Variants in TULP3 observed in about 807,000 individuals in gnomAD.
TULP3 encodes tubby-related protein 3.
Under a neutral mutation model 50.7 loss-of-function variants are expected in TULP3, and 38 were observed. The ratio of observed to expected loss-of-function variants is 0.75; its 90% CI spans 0.58 to 0.98. TULP3 has a LOEUF of 0.98. TULP3 is among the 50% of genes least tolerant of loss of function. The pLI is 0.00. For synonymous variants in TULP3, 183 were observed against 196.6 expected, an observed-to-expected ratio of 0.93 and a Z score of 0.58; for missense variants, 550 against 568.0, an observed-to-expected ratio of 0.97 and a Z score of 0.32.
intron 5 of TULP3, 86 bp downstream of exon 5, chr12:2,930,431 A>G: frequency 2.1e-6 from 2 of 943,474 alleles, no homozygotes; most frequent in South Asian, 1.9e-5. Context: ...TATTATTATT[A>G]TGTATTTTTT....
At chr12:2,920,484 G>A (rs1240543529) in intron 2 of TULP3, among the ~76,000 whole-genome samples, 1 of 151,768 alleles carries the variant, frequency 6.6e-6, no homozygotes, top group Non-Finnish European at 1.5e-5. Context: ...ACTCAGCCTG[G>A]GCAACTGAGT....
Position 2,939,015 on chromosome 12 carries a change from C to G in TULP3, c.1196-296C>G, listed in dbSNP as rs2098203133. 6.6e-6 allele frequency among the ~76,000 whole-genome samples: 1 copy of G among 152,086 alleles called. No individual in the cohort carries two copies. The highest frequency in any genetic ancestry group is 1.5e-5 in the Non-Finnish European group (1 of 68,016). On this transcript the variant is annotated intron_variant, in intron 10 of 10. Coordinates refer to ENST00000448120, the MANE Select transcript of TULP3 (RefSeq NM_003324.5). The surrounding 1 kb of genome is among the most constrained non-coding windows in gnomAD (Gnocchi z 4.0). ...GCCGAGGCAGGAGAATCACTTGAGC[C>G]TAGGTGTTTGAGACCAGCTTGAGCA... is the stretch of plus-strand genomic sequence containing the variant.
Position 2,939,299 on chromosome 12 carries a change from TTC to T in TULP3, c.1196-10_1196-9del, listed in dbSNP as rs759290730. On this transcript the variant is annotated splice_polypyrimidine_tract_variant and intron_variant, in intron 10 of 10. Coordinates refer to ENST00000448120, the MANE Select transcript of TULP3 (RefSeq NM_003324.5). The surrounding 1 kb of genome is among the most constrained non-coding windows in gnomAD (Gnocchi z 4.0). ...ATTATATTCTAACATGTTGATTTCT[TTC>T]TGTTTCTAGCTGATTATATAGTCAT... 43 of 1,611,490 alleles carry T rather than the reference TTC, an allele frequency of 2.7e-5. No individual in the cohort carries two copies. Among genetic ancestry groups the T allele is most frequent in the Non-Finnish European group, 3.4e-6 (4 of 1,179,364 alleles).
intron 1 of TULP3, among the ~76,000 whole-genome samples, chr12:2,893,019 A>AC (rs768147399): frequency 5.9e-5 from 9 of 151,838 alleles, no homozygotes; most frequent in Non-Finnish European, 8.8e-5. Context: ...GGTGCGTGGC[A>AC]CCACCTGGCT....
At position 2,936,843 on chromosome 12, in the gene TULP3, C is replaced by T. The variant is rs150842669; in HGVS notation, c.925-788C>T. Reference sequence around the variant, plus strand: ...AAGGTATAGGCCAGGTGCAGTGGCTCACGCCTGTAATCCCAGCACTTTGGG... The same window carrying T: ...AAGGTATAGGCCAGGTGCAGTGGCTTACGCCTGTAATCCCAGCACTTTGGG... On this transcript the variant is annotated intron_variant, in intron 8 of 10. Transcript: ENST00000448120. Among the ~76,000 whole-genome samples the T allele has an allele frequency of 2.7e-3, 412 of 152,142 alleles. 2 individuals carry two copies. The highest frequency in any genetic ancestry group is 8.8e-3 in the African/African-American group (366 of 41,504).
intron 1 of TULP3, among the ~76,000 whole-genome samples, chr12:2,897,477 A>G (rs1390679197): frequency 6.6e-6 from 1 of 152,148 alleles, no homozygotes; most frequent in East Asian, 1.9e-4. Flanking sequence ...TGTAAAACAA[A>G]AATCTTCCCA....
chr12:2,915,960 G>A (rs1157579669), intron 2 of TULP3, among the ~76,000 whole-genome samples: 2 of 152,096 alleles, frequency 1.3e-5, no homozygotes, highest in African/African-American at 4.8e-5. Context: ...TCACCTCTAG[G>A]GTGACTCCTT....
intron 1 of TULP3, among the ~76,000 whole-genome samples, chr12:2,898,404 A>G (rs111874672): frequency 6.6e-6 from 1 of 152,032 alleles, no homozygotes; most frequent in African/African-American, 2.4e-5. Context: ...GACTTAAGCC[A>G]TCTTCCCGCC....
At chr12:2,899,028 A>G (rs1775837131) in intron 1 of TULP3, among the ~76,000 whole-genome samples, 1 of 152,156 alleles carries the variant, frequency 6.6e-6, no homozygotes, top group Non-Finnish European at 1.5e-5. Flanking sequence ...ATTATTCTTC[A>G]GATATTTTTA....
rs1402604859 is a variant in TULP3, at chr12:2,940,212, A to G, written c.*768A>G. The G allele has an allele frequency of 6.7e-6, 9 of 1,334,672 alleles. No individual in the cohort carries two copies. The highest frequency in any genetic ancestry group is 1.5e-5 in the African/African-American group (1 of 67,966). 82.7% of individuals were successfully genotyped at this position (1,334,672 alleles called of 1,614,324 possible). ...CAACCCAGGAGTGCCTCTCACAGCT[A>G]TATGACTACGGATCCATTAGTGAGG... On this transcript the variant is annotated 3_prime_UTR_variant, in exon 11 of 11. Transcript: ENST00000448120.
intron 1 of TULP3, among the ~76,000 whole-genome samples, chr12:2,896,355 T>G (rs1424704449): frequency 6.6e-6 from 1 of 152,210 alleles, no homozygotes; most frequent in Admixed American, 6.5e-5. Flanking sequence ...ATTCACTGGC[T>G]TGGAAGTTCT....
chr12:2,893,327 G>GTTTTTTTTTTT (rs36190881), intron 1 of TULP3, among the ~76,000 whole-genome samples: 1 of 128,162 alleles, frequency 7.8e-6, no homozygotes, highest in Non-Finnish European at 1.6e-5. Context: ...TGTTTAATGT[G>GTTTTTTTTTTT]TTTTTTTTTT....
At chr12:2,911,136 T>C (rs1230981485) in intron 2 of TULP3, among the ~76,000 whole-genome samples, 4 of 152,136 alleles carry the variant, frequency 2.6e-5, no homozygotes, top group Non-Finnish European at 5.9e-5. Flanking sequence ...TTGTATTCTT[T>C]TCATTGAAAA....
At position 2,910,075 on chromosome 12, in the gene TULP3, G is replaced by A. The variant is rs2098184590; in HGVS notation, c.93+495G>A. Among the ~76,000 whole-genome samples the A allele has an allele frequency of 4.6e-5, 7 of 152,260 alleles. No individual in the cohort carries two copies. In the South Asian group the frequency reaches 1.5e-3, roughly 32 times the overall value. ...TGGGAGGCCGAGGCAGGCAGATCAC[G>A]AGGTCAGGAGATCGAGACCATCCTG... On this transcript the variant is annotated intron_variant, in intron 2 of 10. Coordinates refer to ENST00000448120, the MANE Select transcript of TULP3 (RefSeq NM_003324.5).
chr12:2,934,631 G>A lies in TULP3; in HGVS notation c.924+70G>A, dbSNP rs116360584. On this transcript the variant is annotated intron_variant, in intron 8 of 10. Coordinates refer to ENST00000448120, the MANE Select transcript of TULP3 (RefSeq NM_003324.5). ...CTGCTGGCACTTTTCACCTAGTGTC[G>A]CTGAAGAACCTCCCCTCCCAAGCTT... 4,969 of 942,982 alleles carry A rather than the reference G, an allele frequency of 5.3e-3. 61 individuals carry two copies. Among genetic ancestry groups the A allele is most frequent in the African/African-American group, 0.039 (2,298 of 58,648 alleles). 58.4% of individuals were successfully genotyped at this position (942,982 alleles called of 1,614,324 possible).
At chr12:2,898,965 C>T (rs1411726532) in intron 1 of TULP3, among the ~76,000 whole-genome samples, 1 of 152,170 alleles carries the variant, frequency 6.6e-6, no homozygotes, top group Non-Finnish European at 1.5e-5. Flanking sequence ...AGGCATGAGT[C>T]ACTGCACCTG....
intron 1 of TULP3, among the ~76,000 whole-genome samples, chr12:2,900,699 T>C (rs1405047358): frequency 9.5e-5 from 4 of 41,896 alleles, no homozygotes; most frequent in African/African-American, 3.0e-4. Flanking sequence ...TGCAGATACT[T>C]TTTTTTTTTC....
chr12:2,937,671 C>G lies in TULP3; in HGVS notation c.965C>G (p.Ser322Cys). 6.2e-7 allele frequency: 1 copy of G among 1,613,198 alleles called. No individual in the cohort carries two copies. Among genetic ancestry groups the G allele is most frequent in the East Asian group, 2.2e-5 (1 of 44,868 alleles). The part of the protein sequence containing the change: ...VLGFKGPRKM[S>C]VIIPGMTLNH... ...GGATTTAAAGGTCCTAGGAAAATGT[C>G]TGTGATCATTCCTGGAATGACACTG... Residue 322 changes from serine (S) to cysteine (C), a missense_variant, in exon 9 of 11, where the codon TCT becomes TGT. Physicochemically the swap from Ser to Cys is moderately radical, Grantham distance 112. Coordinates refer to ENST00000448120, the MANE Select transcript of TULP3 (RefSeq NM_003324.5).
chr12:2,909,981 T>G (rs562003267), intron 2 of TULP3, among the ~76,000 whole-genome samples: 1 of 152,202 alleles, frequency 6.6e-6, no homozygotes, highest in African/African-American at 2.4e-5. Context: ...CCGAGCTTGC[T>G]GCCGTGCTGC....
Sources: gnomAD v4.1 joint callset for allele counts (sites outside exome capture counted in the v4.1 genomes callset) on GRCh38, gnomAD v4.1.1 for gene constraint, Gnocchi (gnomAD v3.1) non-coding constraint, MANE v1.5 for transcripts, NCBI Gene and HGNC (gene_info 2026-07-23, HGNC 2026-07-21) for gene names.